The following DLGAP1 variants were observed in gnomAD, a reference collection of about 807,000 sequenced individuals.
DLGAP1 encodes DLG associated protein 1.
DLGAP1 carries 11 observed loss-of-function variants against 90.8 expected under a neutral mutation model. The ratio of observed to expected loss-of-function variants is 0.12; its 90% CI spans 0.08 to 0.20. DLGAP1 has a LOEUF of 0.20. DLGAP1 is among the 10% of genes least tolerant of loss of function. The pLI, the probability that DLGAP1 is intolerant of heterozygous loss-of-function variation, is 1.00. For synonymous variants in DLGAP1, 558 were observed against 540.7 expected (o/e 1.03, Z -0.44); for missense variants, 1,050 against 1,333.8 (o/e 0.79, Z 3.31).
chr18:4,359,548 C>T (rs771989528), intron 1 of DLGAP1, among the ~76,000 whole-genome samples: 1 of 152,256 alleles, frequency 6.6e-6, no homozygotes, highest in African/African-American at 2.4e-5. Context: ...TGAAGGCTCC[C>T]GTGTCACATA....
At chr18:3,701,843 C>G (rs2061288879) in intron 7 of DLGAP1, among the ~76,000 whole-genome samples, 1 of 152,044 alleles carries the variant, frequency 6.6e-6, no homozygotes. Context: ...AGAGATAAGA[C>G]AAGATGACCT....
intron 2 of DLGAP1, among the ~76,000 whole-genome samples, chr18:4,057,677 CTT>C (rs1491567182): frequency 6.6e-6 from 1 of 152,186 alleles, no homozygotes; most frequent in African/African-American, 2.4e-5. Flanking sequence ...TGGTCTCTCT[CTT>C]TCTCTCTCTG....
intron 9 of DLGAP1, among the ~76,000 whole-genome samples, chr18:3,543,265 C>G (rs984070118): frequency 6.6e-6 from 1 of 151,250 alleles, no homozygotes. Flanking sequence ...CCGCCTCCCG[C>G]GTTCACGCCA....
chr18:4,060,553 T>C (rs562969791), intron 2 of DLGAP1, among the ~76,000 whole-genome samples: 1 of 152,122 alleles, frequency 6.6e-6, no homozygotes, highest in Non-Finnish European at 1.5e-5. Flanking sequence ...CTAGTGAAAA[T>C]CAAACTGAGC....
intron 7 of DLGAP1, among the ~76,000 whole-genome samples, chr18:3,661,939 T>G (rs777022436): frequency 6.6e-6 from 1 of 152,048 alleles, no homozygotes; most frequent in Non-Finnish European, 1.5e-5. Context: ...AAATTGTCAC[T>G]GGAGCCTGGA....
At chr18:4,168,127 C>G (rs570819108) in intron 1 of DLGAP1, among the ~76,000 whole-genome samples, 41 of 152,160 alleles carry the variant, frequency 2.7e-4, no homozygotes, top group Non-Finnish European at 5.0e-4. Flanking sequence ...GCTGGAATAG[C>G]TAAAATAATC....
intron 1 of DLGAP1, among the ~76,000 whole-genome samples, chr18:4,379,116 T>C (rs1441521418): frequency 6.6e-6 from 1 of 152,168 alleles, no homozygotes; most frequent in African/African-American, 2.4e-5. Context: ...TTCTTGGAGC[T>C]GGAAAATCAT....
At chr18:4,121,664 A>G (rs915685430) in intron 2 of DLGAP1, among the ~76,000 whole-genome samples, 2 of 152,064 alleles carry the variant, frequency 1.3e-5, no homozygotes, top group Non-Finnish European at 2.9e-5. Context: ...CTTGACTGCT[A>G]ATTCCCACTT....
chr18:4,108,063 A>G (rs7506118), intron 2 of DLGAP1, among the ~76,000 whole-genome samples: 65,320 of 152,016 alleles, frequency 0.43, 14,213 homozygotes, highest in South Asian at 0.5. Context: ...GAAGCAGATC[A>G]TAGAAACTGA....
At chr18:4,047,475 A>G in intron 2 of DLGAP1, among the ~76,000 whole-genome samples, 1 of 152,268 alleles carries the variant, frequency 6.6e-6, no homozygotes, top group South Asian at 2.1e-4. Flanking sequence ...TGGATACAAG[A>G]AACAGACCAG....
intron 1 of DLGAP1, among the ~76,000 whole-genome samples, chr18:4,348,376 A>T (rs1163401630): frequency 2.1e-5 from 3 of 145,038 alleles, no homozygotes; most frequent in Non-Finnish European, 3.0e-5. Flanking sequence ...GACTGGAATC[A>T]GGTGCCTCAG....
At chr18:3,604,771 A>G (rs1297459258) in intron 7 of DLGAP1, among the ~76,000 whole-genome samples, 1 of 152,168 alleles carries the variant, frequency 6.6e-6, no homozygotes, top group Non-Finnish European at 1.5e-5. Context: ...CTGAGTTGTC[A>G]CTTAGTGGGT....
At chr18:3,562,539 CTTTT>C (rs59612709) in intron 9 of DLGAP1, among the ~76,000 whole-genome samples, 1 of 118,156 alleles carries the variant, frequency 8.5e-6, no homozygotes. Context: ...TCTTCTCTCC[CTTTT>C]TTTTTTTTTT....
chr18:3,552,986 T>C (rs1220096186), intron 9 of DLGAP1, among the ~76,000 whole-genome samples: 3 of 152,132 alleles, frequency 2.0e-5, no homozygotes, highest in African/African-American at 7.2e-5. Flanking sequence ...TCTCTCTTGT[T>C]CTCTTCCTCC....
At chr18:3,697,384 G>A (rs375466925) in intron 7 of DLGAP1, among the ~76,000 whole-genome samples, 15 of 152,038 alleles carry the variant, frequency 9.9e-5, no homozygotes, top group East Asian at 7.7e-4. Context: ...ATTCTGGTAC[G>A]TTGTGTCTTT....
chr18:3,803,498 T>C (rs1158399605), intron 5 of DLGAP1, among the ~76,000 whole-genome samples: 1 of 152,202 alleles, frequency 6.6e-6, no homozygotes, highest in African/African-American at 2.4e-5. Context: ...CAATTTTATA[T>C]GCAGTTGGTA....
At chr18:3,751,923 A>G (rs985188308) in intron 5 of DLGAP1, among the ~76,000 whole-genome samples, 37 of 141,170 alleles carry the variant, frequency 2.6e-4, no homozygotes, top group Non-Finnish European at 4.2e-4. Context: ...TTACTCTGTC[A>G]CCCAGGCTGG....
intron 5 of DLGAP1, among the ~76,000 whole-genome samples, chr18:3,747,544 AATG>A (rs2063321955): frequency 6.6e-6 from 1 of 152,176 alleles, no homozygotes; most frequent in Non-Finnish European, 1.5e-5. Flanking sequence ...TGCCAACATA[AATG>A]ATGATGCCAT....
chr18:3,874,405 T>C, intron 4 of DLGAP1: 3 of 1,445,878 alleles, frequency 2.1e-6, no homozygotes, highest in Non-Finnish European at 2.7e-6. Context: ...GGGATTTTTC[T>C]TTTAGGTTAA....
Sources: allele counts gnomAD v4.1 joint callset (sites outside exome capture counted in the v4.1 genomes callset), GRCh38; gene constraint gnomAD v4.1.1; transcripts MANE v1.5; gene names NCBI Gene and HGNC (gene_info 2026-07-23, HGNC 2026-07-21).